CCDC3: variants seen among roughly 807,000 people sequenced by gnomAD.
CCDC3 encodes coiled-coil domain containing 3.
In CCDC3, 24 loss-of-function variants were observed where a neutral mutation model predicts 21.4. The observed-to-expected ratio is 1.12, with a 90% CI of 0.81 to 1.58. CCDC3 has a LOEUF of 1.58. Ranked by LOEUF, CCDC3 falls within the 40% of genes most tolerant of loss-of-function variation. The probability of loss-of-function intolerance (pLI) is 0.00; values close to 1 mark genes in which losing one functional copy is unlikely to be tolerated. For synonymous variants in CCDC3, 186 were observed against 166.0 expected, an observed-to-expected ratio of 1.12 and a Z score of -0.93; for missense variants, 425 against 360.9, an observed-to-expected ratio of 1.18 and a Z score of -1.44.
chr10:13,075,437 T>C (rs1296147319), intron 3 of CCDC3, among the ~76,000 whole-genome samples: 2 of 65,236 alleles, frequency 3.1e-5, no homozygotes, highest in Non-Finnish European at 7.2e-5. Context: ...TCAGACACGT[T>C]TGTTTTTTTG....
intron 5 of CCDC3, among the ~76,000 whole-genome samples, chr10:13,017,430 T>G (rs184339639): frequency 1.3e-5 from 2 of 149,628 alleles, no homozygotes; most frequent in Non-Finnish European, 3.0e-5. Flanking sequence ...GGCAGGAGAA[T>G]TGCTTGAACC....
chr10:12,967,234 G>T (rs558868324), intron 2 of CCDC3, among the ~76,000 whole-genome samples: 3 of 152,162 alleles, frequency 2.0e-5, no homozygotes, highest in Non-Finnish European at 4.4e-5. Context: ...GCTCCAAGAG[G>T]TGACTTCTCC....
intron 4 of CCDC3, among the ~76,000 whole-genome samples, chr10:13,055,988 G>T (rs1313074951): frequency 6.6e-6 from 1 of 152,168 alleles, no homozygotes; most frequent in Non-Finnish European, 1.5e-5. Context: ...CAGAAACATG[G>T]ATACTTCCTA....
upstream of CCDC3, among the ~76,000 whole-genome samples, chr10:13,005,452 T>G (rs953117940): frequency 6.6e-6 from 1 of 152,194 alleles, no homozygotes; most frequent in Non-Finnish European, 1.5e-5. Flanking sequence ...CATGGCCTTA[T>G]GTCTAGGAGG....
rs572089181 is a variant in CCDC3 at position 13,097,414 on chromosome 10, C to G, written c.-503+1111G>C. Among the ~76,000 whole-genome samples the G allele has an allele frequency of 1.4e-4, 21 of 152,216 alleles. No homozygotes were observed. In the East Asian group the frequency reaches 2.3e-3, roughly 17 times the overall value. On this transcript the variant is annotated intron_variant, in intron 3 of 6. Transcript: ENST00000378839. ...GCATCCTTAGGTGAGGGCTGTGGGT[C>G]CAGAGGCCTTATCTAAAATTTTTGG... is the stretch of plus-strand genomic sequence containing the variant.
upstream of CCDC3, among the ~76,000 whole-genome samples, chr10:13,005,019 T>A (rs12267996): frequency 7.0e-3 from 1,059 of 152,332 alleles, 14 homozygotes; most frequent in African/African-American, 0.023. Flanking sequence ...CTTCTGATCC[T>A]ATTTCTTTCA....
intron 2 of CCDC3, 25 bp from the exon 3 acceptor site, chr10:12,898,704 G>A: frequency 6.2e-7 from 1 of 1,610,590 alleles, no homozygotes; most frequent in Non-Finnish European, 8.5e-7. Context: ...AGCGTGCAAG[G>A]AGAGGAGGTG....
At chr10:13,076,925 T>C (rs1389258240) in intron 3 of CCDC3, among the ~76,000 whole-genome samples, 1 of 152,080 alleles carries the variant, frequency 6.6e-6, no homozygotes, top group Non-Finnish European at 1.5e-5. Flanking sequence ...AAAAATTGCT[T>C]CCCATTCCCT....
chr10:13,019,977 CAA>C (rs1370506399), intron 5 of CCDC3, among the ~76,000 whole-genome samples: 1 of 152,224 alleles, frequency 6.6e-6, no homozygotes, highest in East Asian at 1.9e-4. Context: ...GCCTGTGCAA[CAA>C]GAGTGAAACT....
intron 2 of CCDC3, among the ~76,000 whole-genome samples, chr10:12,948,259 C>T (rs1249245881): frequency 6.6e-5 from 10 of 152,082 alleles, no homozygotes; most frequent in Non-Finnish European, 4.4e-5. Flanking sequence ...TGAGGCCTCC[C>T]CAGCCACATG....
chr10:12,909,172 C>T (rs543234690), intron 2 of CCDC3, among the ~76,000 whole-genome samples: 29 of 152,252 alleles, frequency 1.9e-4, no homozygotes, highest in African/African-American at 6.0e-4. Flanking sequence ...TAGCCAGTCA[C>T]GGCCAGTTAA....
chr10:12,921,494 T>G (rs1391693063), intron 2 of CCDC3, among the ~76,000 whole-genome samples: 1 of 152,228 alleles, frequency 6.6e-6, no homozygotes, highest in East Asian at 1.9e-4. Context: ...GTCACACTTC[T>G]CTGACCAGTG....
At chr10:13,095,095 G>A (rs1832614674) in intron 3 of CCDC3, among the ~76,000 whole-genome samples, 1 of 152,078 alleles carries the variant, frequency 6.6e-6, no homozygotes, top group South Asian at 2.1e-4. Flanking sequence ...GGAAAGGAAA[G>A]CAACCTATTA....
chr10:12,968,226 G>C (rs1284403072), intron 2 of CCDC3, among the ~76,000 whole-genome samples: 15 of 96,362 alleles, frequency 1.6e-4, no homozygotes, highest in Admixed American at 7.4e-4. Flanking sequence ...CACACACACA[G>C]AGTATCCTAA....
At chr10:12,916,731 G>A (rs543433953) in intron 2 of CCDC3, among the ~76,000 whole-genome samples, 8 of 152,208 alleles carry the variant, frequency 5.3e-5, no homozygotes, top group Middle Eastern at 3.2e-3. Context: ...ATCTGGAACC[G>A]GAAGTAAGCC....
At chr10:13,045,170 A>G (rs560445966) in intron 5 of CCDC3, among the ~76,000 whole-genome samples, 2 of 152,300 alleles carry the variant, frequency 1.3e-5, no homozygotes, top group East Asian at 1.9e-4. Context: ...TCAATGCCTG[A>G]AATTCTTTTA....
intron 2 of CCDC3, among the ~76,000 whole-genome samples, chr10:12,975,343 G>C (rs987715045): frequency 1.6e-4 from 24 of 152,176 alleles, no homozygotes; most frequent in African/African-American, 5.8e-4. Context: ...TTCATTTGGA[G>C]TTTTGAAGAG....
At chr10:13,041,243 G>A (rs1255240128) in intron 5 of CCDC3, among the ~76,000 whole-genome samples, 2 of 151,986 alleles carry the variant, frequency 1.3e-5, no homozygotes, top group African/African-American at 4.8e-5. Context: ...TATTTCTCTT[G>A]GTTTCTAAAA....
At chr10:13,018,285 G>C (rs373092904) in intron 5 of CCDC3, among the ~76,000 whole-genome samples, 2 of 152,136 alleles carry the variant, frequency 1.3e-5, no homozygotes, top group South Asian at 4.2e-4. Flanking sequence ...TTGGGGTGGA[G>C]GGGAGTCTTC....
Sources: gnomAD v4.1 joint callset for allele counts (sites outside exome capture counted in the v4.1 genomes callset) on GRCh38, gnomAD v4.1.1 for gene constraint, MANE v1.5 for transcripts, NCBI Gene and HGNC (gene_info 2026-07-23, HGNC 2026-07-21) for gene names.